The following CROCC2 variants were observed in gnomAD, a reference collection of about 807,000 sequenced individuals.
CROCC2 encodes ciliary rootlet coiled-coil, rootletin family member 2.
CROCC2 carries 163 observed loss-of-function variants against 177.6 expected under a neutral mutation model. That is an observed-to-expected ratio of 0.92 (90% CI 0.81 to 1.05). CROCC2 has a LOEUF of 1.05. Ranked by LOEUF, CROCC2 falls within the 50% of genes least tolerant of loss-of-function variation. The pLI is 0.00. For synonymous variants in CROCC2, 904 were observed against 787.3 expected, an observed-to-expected ratio of 1.15 and a Z score of -2.48; for missense variants, 1,929 against 1,797.8, an observed-to-expected ratio of 1.07 and a Z score of -1.32.
Position 240,932,812 on chromosome 2 carries a change from A to C in CROCC2, c.1155A>C (p.Gln385His), listed in dbSNP as rs1265955612. 1 of 1,532,380 alleles carries C rather than the reference A, an allele frequency of 6.5e-7. No homozygotes were observed. Among genetic ancestry groups the C allele is most frequent in the Non-Finnish European group, 8.8e-7 (1 of 1,133,308 alleles). 94.9% of individuals were successfully genotyped at this position (1,532,380 alleles called of 1,614,324 possible). ...RSPQRATSPH[Q>H]GASPPHICSP... ...CCCAACGTGCCACATCCCCCCATCAAGGGGCGTCCCCACCACACATCTGCT... is the reference window on the plus strand; with the variant it reads ...CCCAACGTGCCACATCCCCCCATCACGGGGCGTCCCCACCACACATCTGCT... Residue 385 changes from glutamine to histidine, a missense_variant, in exon 9 of 32, where the codon CAA (glutamine) becomes CAC (histidine). Around this residue, in one of 3 missense-constraint regions of CROCC2, gnomAD observed 1,397 missense variants for 1,239.9 expected, o/e 1.13. Transcript: ENST00000690015.
chr2:240,954,555 G>A (rs376403062), intron 18 of CROCC2: 14 of 152,394 alleles, frequency 9.2e-5, no homozygotes, highest in African/African-American at 3.1e-4. Context: ...CACCCTCCCC[G>A]TGAGCCAGCC....
At position 240,935,394 on chromosome 2, in the gene CROCC2, A is replaced by C; in HGVS notation, c.1975A>C (p.Lys659Gln). Residue 659 changes from lysine (K) to glutamine (Q), a missense_variant, in exon 14 of 32, where the codon AAG becomes CAG. Around this residue, in one of 3 missense-constraint regions of CROCC2, gnomAD observed 1,397 missense variants for 1,239.9 expected, o/e 1.13. Transcript: ENST00000690015. ...QERDQLREQRKTLEQERARAG... is the reference protein window; with the variant it reads ...QERDQLREQRQTLEQERARAG... ...GCGGGACCAGCTGCGGGAACAGCGG[A>C]AGACTCTGGAGCAGGAACGGGCCCG... 4 of 1,367,756 alleles carry C rather than the reference A, an allele frequency of 2.9e-6. No individual in the cohort carries two copies. The highest frequency in any genetic ancestry group is 3.8e-6 in the Non-Finnish European group (4 of 1,054,880). 84.7% of individuals were successfully genotyped at this position (1,367,756 alleles called of 1,614,324 possible).
intron 4 of CROCC2, 147 bp downstream of exon 4, chr2:240,922,792 T>G: frequency 2.1e-6 from 1 of 468,840 alleles, no homozygotes; most frequent in South Asian, 3.7e-5. Flanking sequence ...AACCCAGGCC[T>G]CCATGGCCTG....
chr2:240,985,867 C>T (rs1184918313), intron 28 of CROCC2: 1 of 437,688 alleles, frequency 2.3e-6, no homozygotes, highest in South Asian at 1.6e-5. Context: ...CTGCCCCCCA[C>T]AGCAGGGTCT....
rs2059325496 is a variant in CROCC2, at chr2:240,917,036, A to G, written c.79-1690A>G. Among the ~76,000 whole-genome samples the G allele has an allele frequency of 6.6e-6, 1 of 152,024 alleles. No homozygotes were observed. Among genetic ancestry groups the G allele is most frequent in the African/African-American group, 2.4e-5 (1 of 41,402 alleles). On this transcript the variant is annotated intron_variant, in intron 1 of 31. Coordinates refer to ENST00000690015, the MANE Select transcript of CROCC2 (RefSeq NM_001351305.2). This position sits in a 1 kb window ranked among gnomAD's most constrained non-coding sequence, Gnocchi z 4.9. ...CCTCCCCCACTGGGCTGCTGCTCCC[A>G]AGGGGGGCCCATTACTCCCTCCAGA...
chr2:240,916,815 A>G (rs913801410), intron 1 of CROCC2, among the ~76,000 whole-genome samples: 2 of 152,096 alleles, frequency 1.3e-5, no homozygotes, highest in Non-Finnish European at 2.9e-5. Context: ...TGGGGGATTG[A>G]GCGGAGCATG....
chr2:240,910,548 G>A (rs764568703), intron 1 of CROCC2, among the ~76,000 whole-genome samples: 2 of 152,156 alleles, frequency 1.3e-5, no homozygotes, highest in Non-Finnish European at 2.9e-5. Flanking sequence ...TGAGGGGCTC[G>A]AGACAGGGGT....
chr2:240,941,369 G>A (rs905054346), intron 14 of CROCC2, among the ~76,000 whole-genome samples: 9 of 152,070 alleles, frequency 5.9e-5, no homozygotes, highest in African/African-American at 2.2e-4. Flanking sequence ...AAGCCACAGA[G>A]CCAAAGCAAG....
At chr2:240,950,616 C>T (rs1387424381) in intron 18 of CROCC2, 106 bp downstream of exon 18, 16 of 1,132,886 alleles carry the variant, frequency 1.4e-5, no homozygotes, top group South Asian at 3.4e-5. Context: ...CAGGTCCAAC[C>T]GCCTACCCAC....
rs1559607361 is a variant in CROCC2 at position 240,963,556 on chromosome 2, G to T, written c.3088G>T (p.Ala1030Ser). Reference sequence around the variant, plus strand: ...TCTAGAGCTGAATGGTCCTCCCCAGGCTGAGAGGCTGCGGGCACAGCTGAC... The same window carrying T: ...TCTAGAGCTGAATGGTCCTCCCCAGTCTGAGAGGCTGCGGGCACAGCTGAC... ...AAERGDVEREAERLRAQLTVA... is the reference protein window; with the variant it reads ...AAERGDVERESERLRAQLTVA... Residue 1030 changes from alanine to serine, a missense_variant and splice_region_variant, in exon 21 of 32, where the codon GCT (alanine) becomes TCT (serine). Ala to Ser is a moderately conservative substitution (Grantham distance 99). Coordinates refer to ENST00000690015, the MANE Select transcript of CROCC2 (RefSeq NM_001351305.2). 1 of 1,540,654 alleles carries T rather than the reference G, an allele frequency of 6.5e-7. No individual in the cohort carries two copies.
At chr2:240,963,134 G>A (rs2059654390) in intron 20 of CROCC2, 2 of 174,168 alleles carry the variant, frequency 1.1e-5, no homozygotes, top group Non-Finnish European at 2.4e-5. Flanking sequence ...ACTAGGACAG[G>A]CAGCGGCCTG....
At position 240,968,230 on chromosome 2, in the gene CROCC2, C is replaced by T. The variant is rs987369372; in HGVS notation, c.4369C>T (p.Arg1457Cys). The stretch of plus-strand genomic sequence containing the variant: ...GGAGTTGGAGCACCTGGCGAGCGTG[C>T]GTGCGGCAGGCCAGGAGAAGCGGCG... ...RLELEHLASV[R>C]AAGQEKRRLQ... The change falls in exon 27 of 32, where the codon CGT becomes TGT. Residue 1457 changes from arginine (R) to cysteine (C), a missense_variant. Around this residue, in one of 3 missense-constraint regions of CROCC2, gnomAD observed 388 missense variants for 352.7 expected, o/e 1.10. Coordinates refer to ENST00000690015, the MANE Select transcript of CROCC2 (RefSeq NM_001351305.2). The T allele has an allele frequency of 7.2e-6, 11 of 1,532,650 alleles. No homozygotes were observed. The highest frequency in any genetic ancestry group is 2.0e-5 in the Admixed American group (1 of 50,852). 94.9% of individuals were successfully genotyped at this position (1,532,650 alleles called of 1,614,324 possible).
intron 31 of CROCC2, among the ~76,000 whole-genome samples, chr2:240,992,860 G>A (rs1308725038): frequency 6.6e-6 from 1 of 152,172 alleles, no homozygotes; most frequent in Non-Finnish European, 1.5e-5. Context: ...TTCCCCATTC[G>A]CAGTCTCCTC....
At chr2:240,906,762 C>T (rs541660451) in intron 1 of CROCC2, among the ~76,000 whole-genome samples, 171 bp downstream of exon 1, 1 of 152,254 alleles carries the variant, frequency 6.6e-6, no homozygotes, top group African/African-American at 2.4e-5. Flanking sequence ...CGGATGCAAG[C>T]AGGCGCGCCT....
At chr2:240,964,963 C>T (rs1254707858) in intron 22 of CROCC2, among the ~76,000 whole-genome samples, 3 of 152,118 alleles carry the variant, frequency 2.0e-5, no homozygotes, top group Non-Finnish European at 2.9e-5. Context: ...CTTCCGGTGG[C>T]GCTCGGGAAC....
intron 28 of CROCC2, chr2:240,983,563 C>A (rs902598731): frequency 7.8e-7 from 1 of 1,277,214 alleles, no homozygotes; most frequent in South Asian, 1.2e-5. Context: ...CGGCGCTGCG[C>A]GCTCAGCTCG....
chr2:240,965,563 G>A (rs1457226295), intron 23 of CROCC2, 45 bp downstream of exon 23: 1 of 1,549,734 alleles, frequency 6.5e-7, no homozygotes, highest in Non-Finnish European at 8.7e-7. Context: ...CTGGGCGTCG[G>A]GGAGCAGAGG....
Position 240,922,577 on chromosome 2 carries a change from G to A in CROCC2, c.420G>A (p.Arg140=). The A allele has an allele frequency of 1.4e-6, 1 of 695,880 alleles. No individual in the cohort carries two copies. The highest frequency in any genetic ancestry group is 2.8e-5 in the East Asian group (1 of 35,852). The allele number at this position is 695,880 out of a possible 1,614,324, so 43.1% of individuals were successfully genotyped here. The change falls in exon 4 of 32, where the codon CGG becomes CGA. Residue 140 remains arginine (R), a synonymous_variant. Transcript: ENST00000690015. ...TGGAGACCACCGAGGCTCAGCTGCG[G>A]AGGTCAGAGCTGGAGCACAGCGTGG... ...ARLETTEAQL[R]RSELEHSVDL...
At chr2:240,931,478 A>G (rs1160770985) in intron 7 of CROCC2, among the ~76,000 whole-genome samples, 1 of 152,212 alleles carries the variant, frequency 6.6e-6, no homozygotes, top group African/African-American at 2.4e-5. Context: ...GGTAAATCAT[A>G]TAAAAACCGA....
Sources: allele counts gnomAD v4.1 joint callset (sites outside exome capture counted in the v4.1 genomes callset), GRCh38; gene constraint gnomAD v4.1.1; regional missense constraint gnomAD v4.1.1; non-coding constraint Gnocchi (gnomAD v3.1); transcripts MANE v1.5; gene names NCBI Gene and HGNC (gene_info 2026-07-23, HGNC 2026-07-21).